LAMC1: variants seen among roughly 807,000 people sequenced by gnomAD.
The protein encoded by LAMC1 is laminin subunit gamma-1.
LAMC1 carries 38 observed loss-of-function variants against 173.6 expected under a neutral mutation model. The observed-to-expected ratio is 0.22, with a 90% CI of 0.17 to 0.29. The LOEUF (loss-of-function observed/expected upper bound fraction) is 0.29, where lower values mean the gene tolerates loss of function less well. LAMC1 is among the 10% of genes least tolerant of loss of function. The pLI, the probability that LAMC1 is intolerant of heterozygous loss-of-function variation, is 1.00. For missense variants in LAMC1, 1,824 were observed against 2,051.8 expected (o/e 0.89, Z 2.14); for synonymous variants, 746 against 749.1 (o/e 1.00, Z 0.07).
chr1:183,110,497 TA>T lies in LAMC1; in HGVS notation c.866del (p.Asn289MetfsTer8), dbSNP rs1472809751. 6.2e-7 allele frequency: 1 copy of T among 1,611,628 alleles called. No homozygotes were observed. Among genetic ancestry groups the T allele is most frequent in the Non-Finnish European group, 8.5e-7 (1 of 1,178,436 alleles). Reference protein sequence around the residue: ...DFAVGGRCKCNGHASECMKNE... With the variant: ...DFAVGGRCKCXGHASECMKNE... Reference sequence around the variant, plus strand: ...TCTCTTCTCTCCCCAGATGTAAATGTAATGGACACGCAAGCGAGTGTATGAA... The same window carrying T: ...TCTCTTCTCTCCCCAGATGTAAATGTATGGACACGCAAGCGAGTGTATGAA... On this transcript the variant is annotated frameshift_variant, in exon 4 of 28. Coordinates refer to ENST00000258341, the MANE Select transcript of LAMC1 (RefSeq NM_002293.4). LOFTEE classifies it high-confidence loss of function.
intron 4 of LAMC1, among the ~76,000 whole-genome samples, chr1:183,111,400 TC>T (rs1656147342): frequency 6.6e-6 from 1 of 152,150 alleles, no homozygotes; most frequent in African/African-American, 2.4e-5. Flanking sequence ...CAAGATTTTT[TC>T]TCAAAACTAT....
intron 1 of LAMC1, among the ~76,000 whole-genome samples, chr1:183,067,264 ATCTT>A (rs994645021): frequency 4.6e-5 from 7 of 152,158 alleles, no homozygotes; most frequent in African/African-American, 1.4e-4. Flanking sequence ...ATTAAAAAAA[ATCTT>A]TCATCTGTAC....
At chr1:183,115,486 A>C in intron 5 of LAMC1, 34 bp from the exon 6 acceptor site, 1 of 1,460,738 alleles carries the variant, frequency 6.8e-7, no homozygotes, top group Admixed American at 1.7e-5. Flanking sequence ...ATCTGGCCGA[A>C]TTTTTGTTTG....
chr1:183,097,713 G>C (rs1655729129), intron 1 of LAMC1, among the ~76,000 whole-genome samples: 2 of 152,204 alleles, frequency 1.3e-5, no homozygotes, highest in Admixed American at 1.3e-4. Context: ...ATGAACAAAG[G>C]CTGGATTCTC....
chr1:183,106,118 A>G (rs1222642067), intron 2 of LAMC1, among the ~76,000 whole-genome samples: 1 of 152,136 alleles, frequency 6.6e-6, no homozygotes, highest in Non-Finnish European at 1.5e-5. Flanking sequence ...CCCAAATCAC[A>G]CAGTTTAAGT....
intron 1 of LAMC1, among the ~76,000 whole-genome samples, chr1:183,044,829 C>G (rs886894924): frequency 2.6e-5 from 4 of 151,902 alleles, no homozygotes; most frequent in Admixed American, 6.6e-5. Context: ...AAGTTAAATA[C>G]CTTTCTTTTT....
chr1:183,119,911 C>G (rs1380025908), intron 11 of LAMC1, among the ~76,000 whole-genome samples: 1 of 151,982 alleles, frequency 6.6e-6, no homozygotes, highest in Non-Finnish European at 1.5e-5. Context: ...TAACTCATGC[C>G]TGTAATTCCA....
chr1:183,128,484 A>AG, intron 17 of LAMC1, 110 bp from the exon 18 acceptor site: 1 of 740,006 alleles, frequency 1.4e-6, no homozygotes, highest in Non-Finnish European at 2.0e-6. Context: ...AAAAAAAAAA[A>AG]AGAACTACAT....
In LAMC1 at chr1:183,064,748, G is replaced by A. The variant is rs139081891; in HGVS notation, c.419-38580G>A. Among the ~76,000 whole-genome samples the A allele has an allele frequency of 4.6e-3, 702 of 152,124 alleles. 8 individuals are homozygous for A. Among genetic ancestry groups the A allele is most frequent in the African/African-American group, 0.016 (665 of 41,508 alleles). Reference sequence around the variant, plus strand: ...TCACCACATACTTTTGTACTGTATCGTTCATTATGATACATTTATATGATT... The same window carrying A: ...TCACCACATACTTTTGTACTGTATCATTCATTATGATACATTTATATGATT... On this transcript the variant is annotated intron_variant, in intron 1 of 27. Transcript: ENST00000258341.
At position 183,110,441 on chromosome 1, in the gene LAMC1, G is replaced by A. The variant is rs773739191; in HGVS notation, c.855-47G>A. On this transcript the variant is annotated intron_variant, in intron 3 of 27. Transcript: ENST00000258341. ...CATAGTTTTTCTGTGTGCATTTCTG[G>A]GACTTTGCAGCTGTTCCATTTTTTG... The A allele has an allele frequency of 2.3e-5, 34 of 1,471,804 alleles. No individual in the cohort carries two copies. In the African/African-American group the frequency reaches 4.1e-4, roughly 18 times the overall value. 91.2% of individuals were successfully genotyped at this position (1,471,804 alleles called of 1,614,324 possible).
At chr1:183,109,871 C>T (rs1039764651) in intron 3 of LAMC1, among the ~76,000 whole-genome samples, 2 of 152,186 alleles carry the variant, frequency 1.3e-5, no homozygotes, top group African/African-American at 4.8e-5. Context: ...CAGACAACCT[C>T]AGGGGATATT....
intron 1 of LAMC1, among the ~76,000 whole-genome samples, chr1:183,085,435 TCA>T (rs1444282042): frequency 6.6e-6 from 1 of 152,102 alleles, no homozygotes; most frequent in Non-Finnish European, 1.5e-5. Context: ...TGAATATGAC[TCA>T]CTGCAGCCTC....
intron 25 of LAMC1, 102 bp downstream of exon 25, chr1:183,136,687 A>T (rs1265811026): frequency 2.1e-6 from 2 of 949,366 alleles, no homozygotes; most frequent in Non-Finnish European, 3.1e-6. Flanking sequence ...TTTTTTCCTG[A>T]ACTTCAGTAA....
intron 27 of LAMC1, chr1:183,140,847 C>G (rs1382891926): frequency 6.2e-6 from 1 of 160,386 alleles, no homozygotes; most frequent in Admixed American, 6.4e-5. Context: ...AAGTAGAACA[C>G]TGTGGTCTGA....
At position 183,145,282 on chromosome 1, in the gene LAMC1, AC is replaced by A. The variant is rs1657226588; in HGVS notation, c.*2493del. 6.6e-6 allele frequency: 1 copy of A among 152,366 alleles called. No individual in the cohort carries two copies. Among genetic ancestry groups the A allele is most frequent in the Non-Finnish European group, 1.5e-5 (1 of 68,006 alleles). 9.4% of individuals were successfully genotyped at this position (152,366 alleles called of 1,614,324 possible). On this transcript the variant is annotated 3_prime_UTR_variant, in exon 28 of 28. Coordinates refer to ENST00000258341, the MANE Select transcript of LAMC1 (RefSeq NM_002293.4). Reference sequence around the variant, plus strand: ...CTTTACAAGATGATACCTTAATTACACTCCCGCAACACAGCCATTATTTTAT... The same window carrying A: ...CTTTACAAGATGATACCTTAATTACATCCCGCAACACAGCCATTATTTTAT...
intron 1 of LAMC1, among the ~76,000 whole-genome samples, chr1:183,078,377 C>T (rs994207457): frequency 1.3e-5 from 2 of 151,218 alleles, no homozygotes; most frequent in Admixed American, 6.6e-5. Flanking sequence ...GTCAGGAAAT[C>T]GAGACCATCC....
At chr1:183,086,127 TA>T (rs1655420675) in intron 1 of LAMC1, among the ~76,000 whole-genome samples, 2 of 152,218 alleles carry the variant, frequency 1.3e-5, no homozygotes, top group Non-Finnish European at 2.9e-5. Flanking sequence ...AATTATACTA[TA>T]TAGTAGACTT....
At chr1:183,061,131 A>G (rs1403189111) in intron 1 of LAMC1, among the ~76,000 whole-genome samples, 1 of 152,198 alleles carries the variant, frequency 6.6e-6, no homozygotes, top group Admixed American at 6.5e-5. Context: ...AAGGAGAGAC[A>G]CTGAAAACAG....
chr1:183,135,795 G>A (rs775754254), intron 24 of LAMC1, among the ~76,000 whole-genome samples: 1 of 151,588 alleles, frequency 6.6e-6, no homozygotes, highest in African/African-American at 2.4e-5. Context: ...AGGCTGAGGT[G>A]GGAGGATCCC....
Sources: allele counts gnomAD v4.1 joint callset (sites outside exome capture counted in the v4.1 genomes callset), GRCh38; gene constraint gnomAD v4.1.1; transcripts MANE v1.5; gene names NCBI Gene and HGNC (gene_info 2026-07-23, HGNC 2026-07-21).